Variants in STIM2 observed in about 807,000 individuals in gnomAD.
The protein encoded by STIM2 is stromal interaction molecule 2.
In STIM2, 31 loss-of-function variants were observed where a neutral mutation model predicts 85.8. That is an observed-to-expected ratio of 0.36 (90% CI 0.27 to 0.49). The LOEUF (loss-of-function observed/expected upper bound fraction) is 0.49, where lower values mean the gene tolerates loss of function less well. STIM2 is among the 20% of genes least tolerant of loss of function. The probability of loss-of-function intolerance (pLI) is 0.98; values close to 1 mark genes in which losing one functional copy is unlikely to be tolerated. For synonymous variants in STIM2, 356 were observed against 331.1 expected (o/e 1.08, Z -0.82); for missense variants, 841 against 927.6 (o/e 0.91, Z 1.21).
chr4:26,898,741 TA>T (rs1577424578), intron 1 of STIM2, among the ~76,000 whole-genome samples: 1 of 152,274 alleles, frequency 6.6e-6, no homozygotes, highest in East Asian at 1.9e-4. Context: ...ACCAATGGGA[TA>T]TTTTTCCTTT....
chr4:26,977,435 CA>C (rs1727240975), intron 3 of STIM2, among the ~76,000 whole-genome samples: 1 of 152,104 alleles, frequency 6.6e-6, no homozygotes, highest in Non-Finnish European at 1.5e-5. Flanking sequence ...ACTTATCTTT[CA>C]AAATGATTAT....
At chr4:26,938,941 C>T (rs1725497111) in intron 2 of STIM2, among the ~76,000 whole-genome samples, 1 of 151,878 alleles carries the variant, frequency 6.6e-6, no homozygotes, top group African/African-American at 2.4e-5. Flanking sequence ...AAATTTTTAA[C>T]TTGTATTCAG....
chr4:26,935,915 T>C (rs1471871388), intron 2 of STIM2, among the ~76,000 whole-genome samples: 3 of 152,246 alleles, frequency 2.0e-5, no homozygotes, highest in Non-Finnish European at 2.9e-5. Context: ...TGTGATGCTC[T>C]TGCAAGATAC....
chr4:26,958,899 AT>A (rs1304436224), intron 3 of STIM2, among the ~76,000 whole-genome samples: 1 of 152,094 alleles, frequency 6.6e-6, no homozygotes, highest in Non-Finnish European at 1.5e-5. Context: ...TGCTATTAGT[AT>A]TTTTTTAAGG....
At chr4:26,865,898 A>T (rs911675683) in intron 1 of STIM2, among the ~76,000 whole-genome samples, 8 of 152,070 alleles carry the variant, frequency 5.3e-5, no homozygotes, top group African/African-American at 1.9e-4. Context: ...CATTTATTAA[A>T]CTGTTCCTAT....
intron 3 of STIM2, among the ~76,000 whole-genome samples, 198 bp downstream of exon 3, chr4:26,957,924 A>C (rs1197956974): frequency 6.6e-6 from 1 of 152,180 alleles, no homozygotes; most frequent in Non-Finnish European, 1.5e-5. Context: ...ATTAAGCATC[A>C]GGCTGTTCTC....
At chr4:26,983,354 A>G (rs146908317) in intron 3 of STIM2, among the ~76,000 whole-genome samples, 3 of 152,316 alleles carry the variant, frequency 2.0e-5, no homozygotes, top group Non-Finnish European at 4.4e-5. Flanking sequence ...CAATTAAACA[A>G]ACTTTTCCTA....
chr4:26,975,851 C>A (rs1437795200), intron 3 of STIM2, among the ~76,000 whole-genome samples: 1 of 152,200 alleles, frequency 6.6e-6, no homozygotes, highest in Non-Finnish European at 1.5e-5. Context: ...TATGCCCTGC[C>A]CACAGAGGTG....
intron 2 of STIM2, among the ~76,000 whole-genome samples, chr4:26,955,001 A>G (rs1274047043): frequency 6.8e-6 from 1 of 146,506 alleles, no homozygotes; most frequent in Non-Finnish European, 1.5e-5. Flanking sequence ...TTTCTTAGGA[A>G]TTCTTTATTA....
intron 3 of STIM2, among the ~76,000 whole-genome samples, chr4:26,986,797 A>G (rs1242736369): frequency 6.6e-6 from 1 of 152,240 alleles, no homozygotes; most frequent in East Asian, 1.9e-4. Context: ...GGGATAGCAA[A>G]TTGATAATTA....
Position 26,861,306 on chromosome 4 carries a change from T to C in STIM2, c.88T>C (p.Ser30Pro). ...CCTCCGCGGGCGGCGGGCGACTGGCTCTGCCGCAACTGCCGCCTCCTCTCC... is the reference window on the plus strand; with the variant it reads ...CCTCCGCGGGCGGCGGGCGACTGGCCCTGCCGCAACTGCCGCCTCCTCTCC... Residue 30 changes from serine (S) to proline (P), a missense_variant, in exon 1 of 12, where the codon TCT becomes CCT. Physicochemically the swap from Ser to Pro is moderately conservative, Grantham distance 74. Coordinates refer to ENST00000467087, the MANE Select transcript of STIM2 (RefSeq NM_020860.4). The C allele has an allele frequency of 1.0e-5, 15 of 1,431,776 alleles. No individual in the cohort carries two copies. Among genetic ancestry groups the C allele is most frequent in the Non-Finnish European group, 1.3e-5 (14 of 1,096,024 alleles). The allele number at this position is 1,431,776 out of a possible 1,614,324, so 88.7% of individuals were successfully genotyped here.
At chr4:26,919,179 T>C (rs758532544) in intron 1 of STIM2, among the ~76,000 whole-genome samples, 1 of 151,940 alleles carries the variant, frequency 6.6e-6, no homozygotes. Flanking sequence ...GGGGGAATGA[T>C]TAGTAAATCA....
chr4:26,871,742 T>G (rs1722624517), intron 1 of STIM2, among the ~76,000 whole-genome samples: 1 of 140,200 alleles, frequency 7.1e-6, no homozygotes, highest in African/African-American at 2.7e-5. Context: ...AGAGTCTGAG[T>G]ATGTTGCCCA....
At chr4:27,011,946 T>C (rs1437425029) in intron 10 of STIM2, among the ~76,000 whole-genome samples, 1 of 152,186 alleles carries the variant, frequency 6.6e-6, no homozygotes, top group Non-Finnish European at 1.5e-5. Flanking sequence ...TTTGCTCTCC[T>C]TAGAGTTTTT....
In STIM2 at chr4:27,008,058, A is replaced by G. The variant is rs28733863; in HGVS notation, c.1149+358A>G. 1,234 of 709,042 alleles carry G rather than the reference A, an allele frequency of 1.7e-3. 13 individuals are homozygous for G. In the African/African-American group the frequency reaches 0.02, roughly 12 times the overall value. The allele number at this position is 709,042 out of a possible 1,614,324, so 43.9% of individuals were successfully genotyped here. A position where few individuals can be genotyped will look rare whatever the true frequency, so the allele number is the denominator to read the frequency against. ...GACACTTAAATTGTGTGGAATGAGA[A>G]TAAGTCTTAATCTGAATTCTAGCCA... On this transcript the variant is annotated intron_variant, in intron 8 of 11. Coordinates refer to ENST00000467087, the MANE Select transcript of STIM2 (RefSeq NM_020860.4).
intron 1 of STIM2, among the ~76,000 whole-genome samples, chr4:26,905,972 A>T (rs561255465): frequency 6.6e-6 from 1 of 152,314 alleles, no homozygotes; most frequent in Non-Finnish European, 1.5e-5. Flanking sequence ...ATATATATAC[A>T]TAAAATATAT....
chr4:26,879,726 A>G (rs1722934487), intron 1 of STIM2, among the ~76,000 whole-genome samples: 3 of 152,192 alleles, frequency 2.0e-5, no homozygotes, highest in Admixed American at 1.3e-4. Flanking sequence ...TTCATAATAT[A>G]TGTAACTATT....
chr4:26,894,761 T>C (rs1423685503), intron 1 of STIM2, among the ~76,000 whole-genome samples: 1 of 152,248 alleles, frequency 6.6e-6, no homozygotes, highest in Non-Finnish European at 1.5e-5. Flanking sequence ...TTTTCAAGAC[T>C]GGGCTATTCT....
chr4:26,908,530 C>A (rs113995480), intron 1 of STIM2, among the ~76,000 whole-genome samples: 2,040 of 152,324 alleles, frequency 0.013, 26 homozygotes, highest in Non-Finnish European at 0.022. Context: ...GTCGCCCAGC[C>A]TGGAGTGCAA....
Sources: gnomAD v4.1 joint callset for allele counts (sites outside exome capture counted in the v4.1 genomes callset) on GRCh38, gnomAD v4.1.1 for gene constraint, MANE v1.5 for transcripts, NCBI Gene and HGNC (gene_info 2026-07-23, HGNC 2026-07-21) for gene names.